RERE: variants seen among roughly 807,000 people sequenced by gnomAD.
The protein encoded by RERE is arginine-glutamic acid dipeptide repeats.
A neutral mutation model predicts 146.1 loss-of-function variants in RERE; 40 were observed. The ratio of observed to expected loss-of-function variants is 0.27; its 90% CI spans 0.21 to 0.36. RERE has a LOEUF of 0.36. Ranked by LOEUF, RERE falls within the 10% of genes least tolerant of loss-of-function variation. RERE has a pLI of 1.00. For synonymous variants in RERE, 1,003 were observed against 866.0 expected (o/e 1.16, Z -2.78); for missense variants, 1,933 against 2,138.7 (o/e 0.90, Z 1.90).
chr1:8,584,200 T>G (rs950497349), intron 4 of RERE, among the ~76,000 whole-genome samples: 2 of 151,690 alleles, frequency 1.3e-5, no homozygotes, highest in Admixed American at 1.3e-4. Context: ...CAGAAAGAAA[T>G]AAACATTTAA....
At chr1:8,550,130 G>C (rs1049612971) in intron 6 of RERE, among the ~76,000 whole-genome samples, 2 of 152,192 alleles carry the variant, frequency 1.3e-5, no homozygotes, top group African/African-American at 4.8e-5. Context: ...GAGGTTAGGG[G>C]AGGGATATAT....
chr1:8,435,926 T>C (rs527354142), intron 11 of RERE, among the ~76,000 whole-genome samples: 25 of 152,334 alleles, frequency 1.6e-4, no homozygotes, highest in African/African-American at 5.5e-4. Context: ...TCAAGTCAAA[T>C]GAGAACTGGC....
chr1:8,364,991 G>C lies in RERE; in HGVS notation c.1448-153C>G, dbSNP rs901961723. On this transcript the variant is annotated intron_variant, in intron 13 of 22. Coordinates refer to ENST00000400908, the MANE Select transcript of RERE (RefSeq NM_001042681.2). This position sits in a 1 kb window ranked among gnomAD's most constrained non-coding sequence, Gnocchi z 5.1. Reference sequence around the variant, plus strand: ...GTCAGAGCGGCTGGGTGCACAGGCTGAGGTAGGACAGTGTCTGCAAAGGAC... The same window carrying C: ...GTCAGAGCGGCTGGGTGCACAGGCTCAGGTAGGACAGTGTCTGCAAAGGAC... Among the ~76,000 whole-genome samples, 1 of 152,234 alleles carries C rather than the reference G, an allele frequency of 6.6e-6. No homozygotes were observed. Among genetic ancestry groups the C allele is most frequent in the African/African-American group, 2.4e-5 (1 of 41,452 alleles).
chr1:8,607,534 C>CTTTTTTCTTTTTTTTT (rs1646733411), intron 4 of RERE, among the ~76,000 whole-genome samples: 2 of 48,586 alleles, frequency 4.1e-5, no homozygotes, highest in African/African-American at 1.7e-4. Context: ...ATATATATTT[C>CTTTTTTCTTTTTTTTT]TTTTTTTTTT....
intron 1 of RERE, among the ~76,000 whole-genome samples, chr1:8,668,035 C>T (rs1286544837): frequency 1.3e-5 from 2 of 152,232 alleles, no homozygotes; most frequent in Admixed American, 1.3e-4. Flanking sequence ...CACATATCCC[C>T]TGGGGAGCAA....
intron 12 of RERE, among the ~76,000 whole-genome samples, chr1:8,392,957 G>C (rs1642933502): frequency 6.6e-6 from 1 of 152,178 alleles, no homozygotes; most frequent in South Asian, 2.1e-4. Context: ...AAACCATGTA[G>C]AGACGGTGGA....
intron 1 of RERE, among the ~76,000 whole-genome samples, chr1:8,812,303 TCA>T (rs1450347518): frequency 2.0e-5 from 3 of 152,180 alleles, no homozygotes; most frequent in Admixed American, 6.5e-5. Context: ...AGGAAAATTT[TCA>T]CAGTTAAATA....
At chr1:8,436,961 T>C (rs548418891) in intron 11 of RERE, among the ~76,000 whole-genome samples, 2 of 152,296 alleles carry the variant, frequency 1.3e-5, no homozygotes, top group South Asian at 4.1e-4. Context: ...TCTTTTTTTG[T>C]AAAATACTGA....
chr1:8,694,758 C>CAA (rs377081925), intron 1 of RERE, among the ~76,000 whole-genome samples: 46 of 142,830 alleles, frequency 3.2e-4, no homozygotes, highest in African/African-American at 1.1e-3. Flanking sequence ...GACTCTATCT[C>CAA]AAAAAAAAAA....
At chr1:8,763,473 A>G (rs1047996981) in intron 1 of RERE, among the ~76,000 whole-genome samples, 2 of 152,116 alleles carry the variant, frequency 1.3e-5, no homozygotes, top group African/African-American at 4.8e-5. Flanking sequence ...TCTCAACTAA[A>G]AACACAAAAA....
chr1:8,576,193 AC>A (rs1278980127), intron 4 of RERE, among the ~76,000 whole-genome samples: 1 of 152,022 alleles, frequency 6.6e-6, no homozygotes, highest in East Asian at 1.9e-4. Context: ...TTATTTGGCA[AC>A]TTATTCTCCA....
At chr1:8,805,844 CTTTTTTTTTTTT>C (rs70985526) in intron 1 of RERE, 2 of 66,022 alleles carry the variant, frequency 3.0e-5, no homozygotes, top group Non-Finnish European at 5.3e-5. Flanking sequence ...AAACAACCTT[CTTTTTTTTTTTT>C]TTTTTTTTTT....
intron 12 of RERE, among the ~76,000 whole-genome samples, chr1:8,404,757 G>A (rs1643390840): frequency 6.6e-6 from 1 of 152,200 alleles, no homozygotes; most frequent in African/African-American, 2.4e-5. Flanking sequence ...CTCCTTACAA[G>A]GGTGGGCTAG....
At chr1:8,678,366 C>T (rs755459531) in intron 1 of RERE, among the ~76,000 whole-genome samples, 21 of 151,868 alleles carry the variant, frequency 1.4e-4, no homozygotes, top group African/African-American at 4.6e-4. Context: ...AATTATGGGG[C>T]CAGACACAGT....
chr1:8,798,893 T>C (rs1394891236), intron 1 of RERE, among the ~76,000 whole-genome samples: 2 of 151,948 alleles, frequency 1.3e-5, no homozygotes, highest in African/African-American at 4.8e-5. Context: ...GGTTTCACCA[T>C]CTTGGCCAGG....
intron 4 of RERE, among the ~76,000 whole-genome samples, chr1:8,589,361 A>G (rs546442469): frequency 4.5e-4 from 68 of 152,284 alleles, no homozygotes; most frequent in Admixed American, 9.8e-4. Context: ...AATCAGTTGA[A>G]TCTGGGAGGT....
At position 8,360,142 on chromosome 1, in the gene RERE, T is replaced by A; in HGVS notation, c.3365A>T (p.Asp1122Val). ...TGACTGGCTGGCGTGACTGGGGGTG[T>A]CCACCACAGTGGGCTCCGGGGACGG... ...RSPSPEPTVV[D>V]TPSHASQSAR... Residue 1122 changes from aspartate (D) to valine (V), a missense_variant, in exon 18 of 23, where the codon GAC becomes GTC. By Grantham distance (152) the Asp-to-Val change is radical. Transcript: ENST00000400908. 1 of 1,592,102 alleles carries A rather than the reference T, an allele frequency of 6.3e-7. No individual in the cohort carries two copies. The highest frequency in any genetic ancestry group is 1.1e-5 in the South Asian group (1 of 87,986).
At chr1:8,396,096 A>C (rs542517774) in intron 12 of RERE, among the ~76,000 whole-genome samples, 9 of 152,340 alleles carry the variant, frequency 5.9e-5, no homozygotes, top group Non-Finnish European at 1.2e-4. Context: ...TAAGAGCCTT[A>C]GTGACAAGTG....
intron 1 of RERE, among the ~76,000 whole-genome samples, chr1:8,664,902 A>G (rs561013632): frequency 3.3e-4 from 50 of 152,192 alleles, no homozygotes; most frequent in Non-Finnish European, 5.4e-4. Flanking sequence ...TTCCTTTAAA[A>G]AGGCTAATGA....
Sources: allele counts gnomAD v4.1 joint callset (sites outside exome capture counted in the v4.1 genomes callset), GRCh38; gene constraint gnomAD v4.1.1; non-coding constraint Gnocchi (gnomAD v3.1); transcripts MANE v1.5; gene names NCBI Gene and HGNC (gene_info 2026-07-23, HGNC 2026-07-21).